The following NDUFA11 variants were observed in gnomAD, a reference collection of about 807,000 sequenced individuals.
The protein encoded by NDUFA11 is NADH dehydrogenase [ubiquinone] 1 alpha subcomplex subunit 11.
In NDUFA11, 14 loss-of-function variants were observed where a neutral mutation model predicts 11.3. That is an observed-to-expected ratio of 1.24 (90% CI 0.82 to 1.94). The LOEUF is 1.94. NDUFA11 is among the 30% of genes most tolerant of loss of function. The pLI, the probability that NDUFA11 is intolerant of heterozygous loss-of-function variation, is 0.00. For synonymous variants in NDUFA11, 87 were observed against 85.6 expected (o/e 1.02, Z -0.09); for missense variants, 204 against 200.3 (o/e 1.02, Z -0.11).
At chr19:5,899,633 T>TTA (rs985299293) in intron 1 of NDUFA11, among the ~76,000 whole-genome samples, 7 of 14,458 alleles carry the variant, frequency 4.8e-4, no homozygotes, top group South Asian at 2.7e-3. Context: ...ATTATTATTA[T>TTA]TTTTTGTATT....
chr19:5,892,678 C>T (rs542151416), downstream of NDUFA11: 3 of 425,286 alleles, frequency 7.1e-6, no homozygotes, highest in East Asian at 7.6e-5. Context: ...GATGACCGCC[C>T]GGGTCCACAC....
intron 1 of NDUFA11, chr19:5,901,229 C>A: frequency 9.4e-7 from 1 of 1,061,190 alleles, no homozygotes; most frequent in Non-Finnish European, 1.2e-6. Context: ...GAGGAATGCA[C>A]ACACTCTCTC....
chr19:5,896,592 A>C lies in NDUFA11; in HGVS notation c.191-17T>G. The stretch of plus-strand genomic sequence containing the variant: ...CGACAGCAGCTGCGGGGTAGACGGG[A>C]AGAGCAAGGGCCTCGAGACGGGCAC... On this transcript the variant is annotated splice_polypyrimidine_tract_variant and intron_variant, in intron 2 of 3. Coordinates refer to ENST00000308961, the MANE Select transcript of NDUFA11 (RefSeq NM_175614.5). This position sits in a 1 kb window ranked among gnomAD's most constrained non-coding sequence, Gnocchi z 5.8. The C allele has an allele frequency of 6.4e-7, 1 of 1,559,890 alleles. No individual in the cohort carries two copies. The highest frequency in any genetic ancestry group is 8.7e-7 in the Non-Finnish European group (1 of 1,152,822).
At chr19:5,894,295 G>A (rs1250515017), downstream of NDUFA11, among the ~76,000 whole-genome samples, 1 of 152,170 alleles carries the variant, frequency 6.6e-6, no homozygotes, top group Non-Finnish European at 1.5e-5. Context: ...TTGGCTTTGG[G>A]GACAGGCCCA....
At position 5,896,756 on chromosome 19, in the gene NDUFA11, C is replaced by T; in HGVS notation, c.190+149G>A. ...GGGCCTCCCCACCCTACATGTATTCCTGATAAAGGAACACCCCACTTTCTC... is the reference window on the plus strand; with the variant it reads ...GGGCCTCCCCACCCTACATGTATTCTTGATAAAGGAACACCCCACTTTCTC... On this transcript the variant is annotated intron_variant, in intron 2 of 3. Coordinates refer to ENST00000308961, the MANE Select transcript of NDUFA11 (RefSeq NM_175614.5). This position sits in a 1 kb window ranked among gnomAD's most constrained non-coding sequence, Gnocchi z 5.8. 8.4e-7 allele frequency: 1 copy of T among 1,188,216 alleles called. No homozygotes were observed. 73.6% of individuals were successfully genotyped at this position (1,188,216 alleles called of 1,614,324 possible). A position where few individuals can be genotyped will look rare whatever the true frequency, so the allele number is the denominator to read the frequency against.
At chr19:5,895,116 T>A in intron 3 of NDUFA11, 2 of 501,878 alleles carry the variant, frequency 4.0e-6, no homozygotes, top group East Asian at 3.5e-5. Flanking sequence ...GACTTCCCCC[T>A]GCGAGGACAC....
downstream of NDUFA11, chr19:5,892,812 GTCTT>G (rs2057585701): frequency 1.2e-5 from 16 of 1,339,662 alleles, no homozygotes; most frequent in South Asian, 2.0e-5. Flanking sequence ...AGGTGGAATC[GTCTT>G]TCTTTGTGGG....
chr19:5,903,770 CG>C lies in NDUFA11; in HGVS notation c.-63del. 1 of 1,515,340 alleles carries C rather than the reference CG, an allele frequency of 6.6e-7. No individual in the cohort carries two copies. Among genetic ancestry groups the C allele is most frequent in the Non-Finnish European group, 9.0e-7 (1 of 1,114,770 alleles). 93.9% of individuals were successfully genotyped at this position (1,515,340 alleles called of 1,614,324 possible). On this transcript the variant is annotated 5_prime_UTR_variant, in exon 1 of 4. Coordinates refer to ENST00000308961, the MANE Select transcript of NDUFA11 (RefSeq NM_175614.5). Reference sequence around the variant, plus strand: ...AGCTCGGGAAGCGCAAGGGCAGCCGCGGCTGGCTATCGCGAGACTTCTCGGG... The same window carrying C: ...AGCTCGGGAAGCGCAAGGGCAGCCGCGCTGGCTATCGCGAGACTTCTCGGG...
intron 1 of NDUFA11, among the ~76,000 whole-genome samples, chr19:5,900,588 A>G (rs1382365591): frequency 2.6e-5 from 4 of 152,330 alleles, no homozygotes; most frequent in South Asian, 4.1e-4. Flanking sequence ...ACGTTTCAGC[A>G]AGTTCTGCAC....
Position 5,896,478 on chromosome 19 carries a change from G to A in NDUFA11, c.288C>T (p.Ala96=), listed in dbSNP as rs941748424. ...TGCGTGCTCCCAGAGTCAGGCCTCC[G>A]GCGCAGCCACCGAGGAAGTAGTTCA... ...DPLNYFLGGC[A]GGLTLGARTH... The change falls in exon 3 of 4, where the codon GCC becomes GCT. Residue 96 remains alanine (A), a synonymous_variant. Transcript: ENST00000308961. The surrounding 1 kb of genome is among the most constrained non-coding windows in gnomAD (Gnocchi z 5.8). The A allele has an allele frequency of 1.9e-5, 30 of 1,573,276 alleles. No homozygotes were observed. Among genetic ancestry groups the A allele is most frequent in the South Asian group, 3.5e-5 (3 of 85,704 alleles).
At chr19:5,899,085 C>A (rs2057628274) in intron 1 of NDUFA11, among the ~76,000 whole-genome samples, 2 of 151,260 alleles carry the variant, frequency 1.3e-5, no homozygotes, top group South Asian at 4.2e-4. Context: ...ACACACACAT[C>A]CCCCCCTTCC....
downstream of NDUFA11, among the ~76,000 whole-genome samples, chr19:5,894,505 C>T (rs1243680366): frequency 6.6e-6 from 1 of 152,212 alleles, no homozygotes; most frequent in Non-Finnish European, 1.5e-5. Context: ...TGGCCCCAGC[C>T]TGATGCACTA....
chr19:5,895,130 G>A (rs910676942), intron 3 of NDUFA11: 13 of 466,892 alleles, frequency 2.8e-5, no homozygotes, highest in South Asian at 1.8e-4. Context: ...AGGACACCGT[G>A]CTGCCCCCAG....
At chr19:5,895,145 G>A (rs1291024596) in intron 3 of NDUFA11, 2 of 443,588 alleles carry the variant, frequency 4.5e-6, no homozygotes, top group African/African-American at 3.9e-5. Context: ...CCCCAGCTGG[G>A]GCTGGGGCAA....
chr19:5,894,634 G>A (rs12975210), downstream of NDUFA11: 30 of 1,543,330 alleles, frequency 1.9e-5, no homozygotes, highest in African/African-American at 5.5e-5. Flanking sequence ...CGCCCTCACC[G>A]GCTGCTGTGT....
chr19:5,894,649 G>A (rs780128224), downstream of NDUFA11: 23 of 1,550,512 alleles, frequency 1.5e-5, no homozygotes, highest in South Asian at 8.3e-5. Context: ...CTGTGTCGCC[G>A]TCATCAAGCC....
Position 5,896,849 on chromosome 19 carries a change from G to A in NDUFA11, c.190+56C>T. 3.4e-6 allele frequency: 5 copies of A among 1,469,796 alleles called. No individual in the cohort carries two copies. Among genetic ancestry groups the A allele is most frequent in the Non-Finnish European group, 4.8e-6 (5 of 1,049,910 alleles). 91.0% of individuals were successfully genotyped at this position (1,469,796 alleles called of 1,614,324 possible). On this transcript the variant is annotated intron_variant, in intron 2 of 3. Coordinates refer to ENST00000308961, the MANE Select transcript of NDUFA11 (RefSeq NM_175614.5). This position sits in a 1 kb window ranked among gnomAD's most constrained non-coding sequence, Gnocchi z 5.8. ...AAGAGGCAGCCGTCAAATGTGCTCT[G>A]AGAGCTGGGGCTGTGCCAGGAGAGG...
downstream of NDUFA11, among the ~76,000 whole-genome samples, chr19:5,894,375 G>A (rs12974440): frequency 0.058 from 8,877 of 152,202 alleles, 336 homozygotes; most frequent in Middle Eastern, 0.1. Flanking sequence ...AAGGGCTGTG[G>A]GCGGCAGGGC....
At position 5,896,008 on chromosome 19, in the gene NDUFA11, A is replaced by T; in HGVS notation, c.313+445T>A. On this transcript the variant is annotated intron_variant, in intron 3 of 3. Transcript: ENST00000308961. The surrounding 1 kb of genome is among the most constrained non-coding windows in gnomAD (Gnocchi z 5.8). The stretch of plus-strand genomic sequence containing the variant: ...CCTCTCTGACTCACAGGCCAGTGGC[A>T]GAGACAGGGGGTGACCTTGGTGACC... 3.7e-6 allele frequency: 1 copy of T among 272,818 alleles called. No homozygotes were observed. 16.9% of individuals were successfully genotyped at this position (272,818 alleles called of 1,614,324 possible). A position where few individuals can be genotyped will look rare whatever the true frequency, so the allele number is the denominator to read the frequency against.
Sources: gnomAD v4.1 joint callset for allele counts (sites outside exome capture counted in the v4.1 genomes callset) on GRCh38, gnomAD v4.1.1 for gene constraint, Gnocchi (gnomAD v3.1) non-coding constraint, MANE v1.5 for transcripts, NCBI Gene and HGNC (gene_info 2026-07-23, HGNC 2026-07-21) for gene names.